Variants in HHLA1 observed in about 807,000 individuals in gnomAD.
HHLA1 encodes the protein HERV-H LTR-associating protein 1.
In HHLA1, 72 loss-of-function variants were observed where a neutral mutation model predicts 69.9. The ratio of observed to expected loss-of-function variants is 1.03; its 90% CI spans 0.85 to 1.25. HHLA1 has a LOEUF of 1.25. Among genes scored for constraint, HHLA1 ranks in the 50% most tolerant of loss-of-function variants. The pLI is 0.00. For synonymous variants in HHLA1, 252 were observed against 233.2 expected (o/e 1.08, Z -0.73); for missense variants, 685 against 642.2 (o/e 1.07, Z -0.72).
intron 5 of HHLA1, 88 bp from the exon 6 acceptor site, chr8:132,095,874 A>G: frequency 1.5e-6 from 1 of 672,636 alleles, no homozygotes; most frequent in Non-Finnish European, 2.4e-6. Context: ...AGAAATTAAC[A>G]ATGCCAATAA....
intron 10 of HHLA1, among the ~76,000 whole-genome samples, chr8:132,082,962 G>A (rs1185993592): frequency 7.9e-5 from 12 of 150,978 alleles, no homozygotes; most frequent in East Asian, 5.8e-4. Flanking sequence ...TTTTTAAAGC[G>A]TGCTGTGGGA....
At chr8:132,077,437 C>T (rs1053267529) in intron 12 of HHLA1, among the ~76,000 whole-genome samples, 5 of 151,982 alleles carry the variant, frequency 3.3e-5, no homozygotes, top group Non-Finnish European at 5.9e-5. Flanking sequence ...AGTTGTCATA[C>T]TGCTTGTTAA....
chr8:132,063,051 C>T lies in HHLA1; in HGVS notation c.*944G>A, dbSNP rs2130871039. 1.3e-5 allele frequency: 2 copies of T among 152,358 alleles called. No homozygotes were observed. Among genetic ancestry groups the T allele is most frequent in the South Asian group, 4.1e-4 (2 of 4,826 alleles). The allele number at this position is 152,358 out of a possible 1,614,324, so 9.4% of individuals were successfully genotyped here. ...AGGCACTCCATACCTACTCCATACC[C>T]CCAAACATCCCCTGGACACCAAAAC... On this transcript the variant is annotated 3_prime_UTR_variant, in exon 17 of 17. Transcript: ENST00000414222.
intron 1 of HHLA1, among the ~76,000 whole-genome samples, chr8:132,110,623 A>C (rs1435159325): frequency 6.6e-6 from 1 of 152,226 alleles, no homozygotes; most frequent in African/African-American, 2.4e-5. Flanking sequence ...ATAAGGCCCA[A>C]GGGAATGCAT....
At chr8:132,098,425 A>G (rs117958788) in intron 5 of HHLA1, among the ~76,000 whole-genome samples, 2,242 of 152,266 alleles carry the variant, frequency 0.015, 35 homozygotes, top group Middle Eastern at 0.085. Context: ...CTTCTACGTC[A>G]TTTTGAGTAA....
chr8:132,107,803 T>C (rs547853494), intron 1 of HHLA1, among the ~76,000 whole-genome samples: 1 of 149,764 alleles, frequency 6.7e-6, no homozygotes, highest in African/African-American at 2.5e-5. Flanking sequence ...AATATCTTAG[T>C]GTATCTCATG....
intron 15 of HHLA1, among the ~76,000 whole-genome samples, chr8:132,066,341 G>A (rs1174738910): frequency 6.6e-6 from 1 of 152,210 alleles, no homozygotes; most frequent in East Asian, 1.9e-4. Context: ...TTCCTGAACA[G>A]TACCCAGCAT....
chr8:132,077,906 A>G lies in HHLA1; in HGVS notation c.991T>C (p.Ser331Pro), dbSNP rs2130882066. 1 of 1,551,554 alleles carries G rather than the reference A, an allele frequency of 6.4e-7. No homozygotes were observed. Among genetic ancestry groups the G allele is most frequent in the Middle Eastern group, 1.7e-4 (1 of 5,992 alleles). ...CTGATGGTCTGAGCCCAGGGCACGG[A>G]CGATATGGAAGCCCACGTCTGTCTG... Reference protein sequence around the residue: ...ADRQTWASISSVPWAQTISEK... With the variant: ...ADRQTWASISPVPWAQTISEK... Residue 331 changes from serine (S) to proline (P), a missense_variant, in exon 12 of 17, where the codon TCC becomes CCC. Ser to Pro is a moderately conservative substitution (Grantham distance 74). Transcript: ENST00000414222.
Position 132,064,285 on chromosome 8 carries a change from A to G in HHLA1, c.1553-247T>C, listed in dbSNP as rs1223427891. ...GCCCGTATTTCTCCACTCACTGCCC[A>G]ATGCTCTTTTCCAATACCCAGCTGT... On this transcript the variant is annotated intron_variant, in intron 16 of 16. Transcript: ENST00000414222. 2.6e-5 allele frequency among the ~76,000 whole-genome samples: 4 copies of G among 152,216 alleles called. No homozygotes were observed. The East Asian group carries it at 7.7e-4, about 29-fold the overall frequency.
intron 4 of HHLA1, among the ~76,000 whole-genome samples, chr8:132,099,299 T>A (rs1332814796): frequency 1.3e-5 from 2 of 152,200 alleles, no homozygotes; most frequent in African/African-American, 4.8e-5. Flanking sequence ...ATTGCAGGAG[T>A]TCTCAGCAGC....
intron 7 of HHLA1, among the ~76,000 whole-genome samples, chr8:132,091,887 G>T (rs891057503): frequency 6.6e-6 from 1 of 152,046 alleles, no homozygotes; most frequent in Non-Finnish European, 1.5e-5. Context: ...TCTATTTTGC[G>T]GGCTTTATTC....
chr8:132,085,820 A>G, intron 10 of HHLA1, among the ~76,000 whole-genome samples: 1 of 137,622 alleles, frequency 7.3e-6, no homozygotes, highest in Non-Finnish European at 1.6e-5. Context: ...TTCACAAGGT[A>G]ATGTCATCAG....
At chr8:132,077,302 G>A (rs1357233819) in intron 12 of HHLA1, among the ~76,000 whole-genome samples, 1 of 152,192 alleles carries the variant, frequency 6.6e-6, no homozygotes, top group African/African-American at 2.4e-5. Context: ...ATAAAGATCA[G>A]GAGATGTGGG....
intron 15 of HHLA1, among the ~76,000 whole-genome samples, chr8:132,068,343 C>T (rs1380841321): frequency 1.3e-5 from 2 of 152,182 alleles, no homozygotes; most frequent in Non-Finnish European, 2.9e-5. Context: ...ACTATTTAAA[C>T]ACGACATGTC....
intron 14 of HHLA1, among the ~76,000 whole-genome samples, chr8:132,072,922 T>G (rs1288449853): frequency 6.6e-6 from 1 of 152,156 alleles, no homozygotes; most frequent in Non-Finnish European, 1.5e-5. Flanking sequence ...AAAAAAGAGT[T>G]TATTGCTGTG....
At chr8:132,094,486 G>A (rs561477204) in intron 7 of HHLA1, among the ~76,000 whole-genome samples, 33 of 152,148 alleles carry the variant, frequency 2.2e-4, no homozygotes, top group African/African-American at 7.5e-4. Flanking sequence ...CTCCAGTTAT[G>A]CTGGCTTCTC....
At chr8:132,102,686 C>A (rs56727818) in intron 3 of HHLA1, among the ~76,000 whole-genome samples, 67 of 151,788 alleles carry the variant, frequency 4.4e-4, no homozygotes, top group South Asian at 3.9e-3. Context: ...TATGTCAGTT[C>A]GGGGTCTCCA....
intron 8 of HHLA1, among the ~76,000 whole-genome samples, chr8:132,088,388 A>G (rs1184715913): frequency 5.9e-5 from 9 of 152,228 alleles, no homozygotes; most frequent in Non-Finnish European, 1.3e-4. Context: ...CCAAATTACT[A>G]CTAACGTGTT....
rs550306186 is a variant in HHLA1 at position 132,075,976 on chromosome 8, C to A, written c.1315+79G>T. The A allele has an allele frequency of 8.5e-5, 93 of 1,097,064 alleles. No homozygotes were observed. In the Admixed American group the frequency reaches 1.0e-3, roughly 12 times the overall value. The allele number at this position is 1,097,064 out of a possible 1,614,324, so 68.0% of individuals were successfully genotyped here. A position where few individuals can be genotyped will look rare whatever the true frequency, so the allele number is the denominator to read the frequency against. On this transcript the variant is annotated intron_variant, in intron 14 of 16. Transcript: ENST00000414222. ...AGTCTGATTTTCTAAATTTACCGAACAAACCTCTCCTTATTCTACTACATG... is the reference window on the plus strand; with the variant it reads ...AGTCTGATTTTCTAAATTTACCGAAAAAACCTCTCCTTATTCTACTACATG...
Sources: gnomAD v4.1 joint callset for allele counts (sites outside exome capture counted in the v4.1 genomes callset) on GRCh38, gnomAD v4.1.1 for gene constraint, MANE v1.5 for transcripts, NCBI Gene and HGNC (gene_info 2026-07-23, HGNC 2026-07-21) for gene names.